CRACD: variants seen among roughly 807,000 people sequenced by gnomAD.
CRACD encodes capping protein-inhibiting regulator of actin dynamics.
Under a neutral mutation model 106.8 loss-of-function variants are expected in CRACD, and 56 were observed. That is an observed-to-expected ratio of 0.52 (90% confidence interval 0.42 to 0.66). CRACD has a LOEUF of 0.66. Ranked by LOEUF, CRACD falls within the 30% of genes least tolerant of loss-of-function variation. The probability of loss-of-function intolerance (pLI) is 0.00; values close to 1 mark genes in which losing one functional copy is unlikely to be tolerated. For missense variants in CRACD, 1,730 were observed against 1,623.2 expected, an observed-to-expected ratio of 1.07 and a Z score of -1.13; for synonymous variants, 754 against 670.8, an observed-to-expected ratio of 1.12 and a Z score of -1.92.
chr4:56,238,871 A>G lies in CRACD; in HGVS notation c.-188-33450A>G, dbSNP rs553796434. Among the ~76,000 whole-genome samples, 38 of 152,278 alleles carry G rather than the reference A, an allele frequency of 2.5e-4. 1 individual carries two copies. The highest frequency in any genetic ancestry group is 3.3e-4 in the Admixed American group (5 of 15,304). On this transcript the variant is annotated intron_variant, in intron 2 of 10. Coordinates refer to ENST00000682029, the MANE Select transcript of CRACD (RefSeq NM_001393381.1). ...TTTCTTTTGTGAGCTGCCTGTTTACATCCTTCCTGAAATTTGTAGTTAGAG... is the reference window on the plus strand; with the variant it reads ...TTTCTTTTGTGAGCTGCCTGTTTACGTCCTTCCTGAAATTTGTAGTTAGAG...
chr4:56,315,140 G>C lies in CRACD; in HGVS notation c.1638G>C (p.Lys546Asn). The stretch of plus-strand genomic sequence containing the variant: ...CGTTCCAGGTGTCCTCCGGAGGGAA[G>C]CAGATTCTCTTTCCCAAAGTCAACC... ...PYTFQVSSGG[K>N]QILFPKVNLS... is the part of the protein sequence containing the mutation. The change falls in exon 8 of 11, where the codon AAG (lysine) becomes AAC (asparagine). Residue 546 changes from lysine (K) to asparagine (N), a missense_variant. By Grantham distance (94) the Lys-to-Asn change is moderately conservative (BLOSUM62 0). Around this residue, in one of 5 missense-constraint regions of CRACD, gnomAD observed 1,620 missense variants for 1,481.6 expected, o/e 1.09. Transcript: ENST00000682029. The surrounding 1 kb of genome is among the most constrained non-coding windows in gnomAD (Gnocchi z 4.1). 1 of 1,608,674 alleles carries C rather than the reference G, an allele frequency of 6.2e-7. No individual in the cohort carries two copies.
At chr4:56,101,146 G>C (rs1399537235) in intron 1 of CRACD, among the ~76,000 whole-genome samples, 1 of 151,964 alleles carries the variant, frequency 6.6e-6, no homozygotes, top group Non-Finnish European at 1.5e-5. Context: ...GTTAAAGGCA[G>C]GGTCCAACCC....
intron 1 of CRACD, among the ~76,000 whole-genome samples, chr4:56,163,018 A>C (rs1462801253): frequency 6.6e-6 from 1 of 152,194 alleles, no homozygotes; most frequent in Non-Finnish European, 1.5e-5. Flanking sequence ...TCTTGTTTGC[A>C]AAAACAGACT....
At position 56,131,408 on chromosome 4, in the gene CRACD, T is replaced by C. The variant is rs555719987; in HGVS notation, c.-335-47876T>C. ...TTTTCCAGTGAGAGCCAGAGATTGC[T>C]TTTTGGTCAGGTCATCTAAAGATGT... On this transcript the variant is annotated intron_variant, in intron 1 of 10. Transcript: ENST00000682029. 1.4e-4 allele frequency among the ~76,000 whole-genome samples: 21 copies of C among 152,358 alleles called. No individual in the cohort carries two copies. In the South Asian group the frequency reaches 1.9e-3, roughly 14 times the overall value.
chr4:56,188,393 A>G (rs574113879), intron 2 of CRACD, among the ~76,000 whole-genome samples: 34 of 152,144 alleles, frequency 2.2e-4, no homozygotes, highest in African/African-American at 7.7e-4. Flanking sequence ...GGAACTACTT[A>G]GTGCTTGAGT....
intron 3 of CRACD, among the ~76,000 whole-genome samples, chr4:56,277,917 A>G (rs748990919): frequency 1.3e-5 from 2 of 152,210 alleles, no homozygotes; most frequent in Non-Finnish European, 2.9e-5. Flanking sequence ...CATAGCATCA[A>G]AAAGAATAAA....
Position 56,172,355 on chromosome 4 carries a change from C to G in CRACD, c.-335-6929C>G, listed in dbSNP as rs1484390738. On this transcript the variant is annotated intron_variant, in intron 1 of 10. Coordinates refer to ENST00000682029, the MANE Select transcript of CRACD (RefSeq NM_001393381.1). ...GTTACCGCTGCTGGGCAGAAATCTT[C>G]TGAGTAATTCAGCTGTATTTTCTCT... 3.9e-5 allele frequency among the ~76,000 whole-genome samples: 6 copies of G among 152,318 alleles called. No individual in the cohort carries two copies. In the South Asian group the frequency reaches 1.2e-3, roughly 32 times the overall value.
chr4:56,081,974 C>CAA (rs34692481), intron 1 of CRACD, among the ~76,000 whole-genome samples: 1 of 143,626 alleles, frequency 7.0e-6, no homozygotes, highest in Non-Finnish European at 1.5e-5. Context: ...GACTCCGTCT[C>CAA]AAAAAAAAAA....
Position 56,059,725 on chromosome 4 carries a change from C to T in CRACD, c.-336+10426C>T, listed in dbSNP as rs1732205723. ...TTGAGACAGGTTCTCACTCTGTTGC[C>T]CAGGCTGGAGTGCAGTGGCATGATC... On this transcript the variant is annotated intron_variant, in intron 1 of 10. Transcript: ENST00000682029. 2.6e-5 allele frequency among the ~76,000 whole-genome samples: 4 copies of T among 152,096 alleles called. No homozygotes were observed. In the South Asian group the frequency reaches 8.3e-4, roughly 32 times the overall value.
At chr4:56,209,439 T>C (rs1350353509) in intron 2 of CRACD, among the ~76,000 whole-genome samples, 3 of 152,152 alleles carry the variant, frequency 2.0e-5, no homozygotes, top group South Asian at 2.1e-4. Flanking sequence ...TTATATACTA[T>C]ACAGAATTGT....
chr4:56,202,580 G>A (rs1196723199), intron 2 of CRACD, among the ~76,000 whole-genome samples: 1 of 152,124 alleles, frequency 6.6e-6, no homozygotes, highest in African/African-American at 2.4e-5. Flanking sequence ...AAAGATGAAA[G>A]ATTACAGCAA....
At chr4:56,182,646 T>C (rs1736881317) in intron 2 of CRACD, among the ~76,000 whole-genome samples, 1 of 152,052 alleles carries the variant, frequency 6.6e-6, no homozygotes, top group Non-Finnish European at 1.5e-5. Flanking sequence ...CCTGTCCAAA[T>C]TGCTTAACTC....
chr4:56,099,543 T>C (rs1310823824), intron 1 of CRACD, among the ~76,000 whole-genome samples: 1 of 152,186 alleles, frequency 6.6e-6, no homozygotes, highest in African/African-American at 2.4e-5. Flanking sequence ...AATGGCTGGT[T>C]TCCATGATTC....
intron 1 of CRACD, among the ~76,000 whole-genome samples, chr4:56,063,394 A>G (rs1732349156): frequency 6.6e-6 from 1 of 152,156 alleles, no homozygotes; most frequent in South Asian, 2.1e-4. Context: ...ATATATAACA[A>G]AAATTACCAT....
chr4:56,097,899 CT>C (rs1733649952), intron 1 of CRACD, among the ~76,000 whole-genome samples: 1 of 152,110 alleles, frequency 6.6e-6, no homozygotes, highest in African/African-American at 2.4e-5. Flanking sequence ...AGAATTATCT[CT>C]TTGGTGTATC....
At chr4:56,235,209 A>T (rs972344206) in intron 2 of CRACD, among the ~76,000 whole-genome samples, 3 of 152,240 alleles carry the variant, frequency 2.0e-5, no homozygotes, top group African/African-American at 7.2e-5. Context: ...GCCAAATGCC[A>T]TAAAGCAATA....
intron 1 of CRACD, among the ~76,000 whole-genome samples, chr4:56,148,027 G>T (rs775048413): frequency 1.2e-4 from 19 of 152,206 alleles, no homozygotes; most frequent in Non-Finnish European, 2.4e-4. Flanking sequence ...ACAGGGAAAA[G>T]GCCATGTGAA....
chr4:56,181,826 T>G (rs925969332), intron 2 of CRACD, among the ~76,000 whole-genome samples: 27 of 152,100 alleles, frequency 1.8e-4, no homozygotes, highest in Non-Finnish European at 3.5e-4. Flanking sequence ...GGACACCAGA[T>G]ATATTGGACT....
At position 56,316,166 on chromosome 4, in the gene CRACD, C is replaced by T. The variant is rs1345587979; in HGVS notation, c.2664C>T (p.Ser888=). The T allele has an allele frequency of 1.3e-5, 21 of 1,614,000 alleles. No homozygotes were observed. The highest frequency in any genetic ancestry group is 3.3e-5 in the Admixed American group (2 of 60,014). ...ATGCAGGGCCGCCTGCAGCGGGGAG[C>T]GCTCGTGGAGAGAAAGAGATGGAGG... is the stretch of plus-strand genomic sequence containing the variant. ...SADAGPPAAG[S]ARGEKEMEGV... Residue 888 remains serine (S), a synonymous_variant, in exon 8 of 11, where the codon AGC becomes AGT. Coordinates refer to ENST00000682029, the MANE Select transcript of CRACD (RefSeq NM_001393381.1).
Sources: allele counts gnomAD v4.1 joint callset (sites outside exome capture counted in the v4.1 genomes callset), GRCh38; gene constraint gnomAD v4.1.1; regional missense constraint gnomAD v4.1.1; non-coding constraint Gnocchi (gnomAD v3.1); transcripts MANE v1.5; gene names NCBI Gene and HGNC (gene_info 2026-07-23, HGNC 2026-07-21).